Variants in VEGFD observed in about 807,000 individuals in gnomAD.
The protein encoded by VEGFD is c-fos induced growth factor (vascular endothelial growth factor D).
In VEGFD, 26 loss-of-function variants were observed where a neutral mutation model predicts 28.0. The ratio of observed to expected loss-of-function variants is 0.93; its 90% CI spans 0.68 to 1.29. VEGFD has a LOEUF of 1.29. Ranked by LOEUF, VEGFD falls within the 50% of genes most tolerant of loss-of-function variation. VEGFD has a pLI of 0.00. For missense variants in VEGFD, 294 were observed against 273.4 expected (o/e 1.08, Z -0.53); for synonymous variants, 93 against 95.5 (o/e 0.97, Z 0.15).
At chrX:15,381,500 T>C (rs1923569747) in intron 1 of VEGFD, among the ~76,000 whole-genome samples, 1 of 104,826 alleles carries the variant, frequency 9.5e-6, no homozygotes, top group African/African-American at 3.4e-5. Flanking sequence ...GAATTTCTTA[T>C]AATAAATAAA....
intron 1 of VEGFD, among the ~76,000 whole-genome samples, chrX:15,369,889 T>G: frequency 8.9e-6 from 1 of 112,127 alleles, no homozygotes; most frequent in Non-Finnish European, 1.9e-5. Context: ...TTTGATCCAA[T>G]TTGGGAGGCA....
chrX:15,350,719 CTCTT>C (rs59286152), intron 5 of VEGFD, among the ~76,000 whole-genome samples: 12 of 106,746 alleles, frequency 1.1e-4, no homozygotes, highest in African/African-American at 1.7e-4. Flanking sequence ...TACTTTCTTT[CTCTT>C]TCTTTCTTTC....
Position 15,368,302 on chromosome X carries a change from C to A in VEGFD, c.91-4983G>T, listed in dbSNP as rs564998462. On this transcript the variant is annotated intron_variant, in intron 1 of 6. Coordinates refer to ENST00000297904, the MANE Select transcript of VEGFD (RefSeq NM_004469.5). ...GAGAACTCAGGAGAAAATATCAAAT[C>A]TCTGGATTGAATTAAAGTAATTAAA... Among the ~76,000 whole-genome samples the A allele has an allele frequency of 3.9e-4, 44 of 112,226 alleles. No individual in the cohort carries two copies. In the South Asian group the frequency reaches 0.016, roughly 41 times the overall value.
chrX:15,365,499 C>T (rs753506315), intron 1 of VEGFD, among the ~76,000 whole-genome samples: 4 of 112,027 alleles, frequency 3.6e-5, no homozygotes, highest in Non-Finnish European at 5.6e-5. Flanking sequence ...TAGCCTGCTG[C>T]CTGCCTGTTT....
At chrX:15,354,382 G>A (rs111750049) in intron 4 of VEGFD, among the ~76,000 whole-genome samples, 2,604 of 95,216 alleles carry the variant, frequency 0.027, 81 homozygotes, top group African/African-American at 0.12. Context: ...GGAGAGAGGC[G>A]GGAGGTGTCT....
chrX:15,381,788 A>C (rs1432094765), intron 1 of VEGFD, among the ~76,000 whole-genome samples: 4 of 77,470 alleles, frequency 5.2e-5, no homozygotes, highest in Admixed American at 4.2e-4. Context: ...CCTTCATATC[A>C]GAAATAATTT....
rs1894321 is a variant in VEGFD at position 15,376,303 on chromosome X, C to T, written c.90+7554G>A. On this transcript the variant is annotated intron_variant, in intron 1 of 6. Transcript: ENST00000297904. ...ATTGCAAGCACATGCTCCTGCTAGCCCACTGATCAAAGGAGGATGAGAGAC... is the reference window on the plus strand; with the variant it reads ...ATTGCAAGCACATGCTCCTGCTAGCTCACTGATCAAAGGAGGATGAGAGAC... 7.5e-3 allele frequency among the ~76,000 whole-genome samples: 837 copies of T among 111,581 alleles called. 2 individuals are homozygous for T. The highest frequency in any genetic ancestry group is 0.032 in the Middle Eastern group (7 of 217).
chrX:15,355,775 G>T (rs1473936459), intron 3 of VEGFD, among the ~76,000 whole-genome samples: 3 of 112,065 alleles, frequency 2.7e-5, no homozygotes, highest in Non-Finnish European at 3.8e-5. Context: ...CATGTTTTAT[G>T]GGGCTTGTTT....
rs188649826 is a variant in VEGFD, at chrX:15,351,524, A to C, written c.742+1544T>G. Among the ~76,000 whole-genome samples the C allele has an allele frequency of 5.8e-3, 648 of 111,861 alleles. 5 individuals carry two copies. Among genetic ancestry groups the C allele is most frequent in the Admixed American group, 0.013 (137 of 10,599 alleles). The stretch of plus-strand genomic sequence containing the variant: ...GCCACCATTCCCGGCCAACCCCACA[A>C]AAATTTTCTAACACTTTTAGAACAT... On this transcript the variant is annotated intron_variant, in intron 5 of 6. Coordinates refer to ENST00000297904, the MANE Select transcript of VEGFD (RefSeq NM_004469.5).
chrX:15,370,531 G>A (rs1333825817), intron 1 of VEGFD, among the ~76,000 whole-genome samples: 2 of 111,694 alleles, frequency 1.8e-5, no homozygotes, highest in Non-Finnish European at 3.8e-5. Context: ...CTCTTTGAGG[G>A]TAGGATATGT....
At chrX:15,366,160 C>T (rs1360515165) in intron 1 of VEGFD, among the ~76,000 whole-genome samples, 1 of 110,692 alleles carries the variant, frequency 9.0e-6, no homozygotes, top group African/African-American at 3.3e-5. Context: ...GCGCCCACCA[C>T]CACGCCCGGC....
At chrX:15,357,912 T>C in intron 3 of VEGFD, 91 bp downstream of exon 3, 1 of 776,309 alleles carries the variant, frequency 1.3e-6, no homozygotes, top group South Asian at 2.8e-5. Flanking sequence ...ATAAAGCATT[T>C]AGTACAGTGT....
At chrX:15,376,685 T>C (rs1923446903) in intron 1 of VEGFD, among the ~76,000 whole-genome samples, 1 of 112,059 alleles carries the variant, frequency 8.9e-6, no homozygotes, top group East Asian at 2.8e-4. Context: ...CTCTTCCTTA[T>C]CAACATCCTC....
intron 2 of VEGFD, among the ~76,000 whole-genome samples, chrX:15,361,583 CA>C (rs1331418410): frequency 2.7e-5 from 3 of 111,977 alleles, no homozygotes; most frequent in Admixed American, 1.9e-4. Context: ...TGGGAAAAAA[CA>C]AATACAATTT....
rs1602218322 is a variant in VEGFD at position 15,345,811 on chromosome X, G to C, written c.*322C>G. 4.4e-6 allele frequency: 1 copy of C among 228,622 alleles called. No homozygotes were observed. The highest frequency in any genetic ancestry group is 8.8e-5 in the East Asian group (1 of 11,331). 18.8% of individuals were successfully genotyped at this position (228,622 alleles called of 1,213,427 possible). A position where few individuals can be genotyped will look rare whatever the true frequency, so the allele number is the denominator to read the frequency against. ...CTACAGTTTTCCTCATCTGCTCTGA[G>C]TAATCAGTCATATGACACCTGCCAT... On this transcript the variant is annotated 3_prime_UTR_variant, in exon 7 of 7. Coordinates refer to ENST00000297904, the MANE Select transcript of VEGFD (RefSeq NM_004469.5).
intron 5 of VEGFD, among the ~76,000 whole-genome samples, chrX:15,350,674 T>G (rs779895025): frequency 3.6e-5 from 4 of 112,604 alleles, no homozygotes; most frequent in African/African-American, 9.7e-5. Context: ...CTAGAGCCTT[T>G]AAGCTCTAAG....
rs757509187 is a variant in VEGFD, at chrX:15,357,960, C to T, written c.492+43G>A. ...TTGTTGTAGCTATCAACACTATTAT[C>T]ATCAGGGCTTTAGAGACGGCAGGCT... On this transcript the variant is annotated intron_variant, in intron 3 of 6. Transcript: ENST00000297904. 5 of 1,131,852 alleles carry T rather than the reference C, an allele frequency of 4.4e-6. No homozygotes were observed. The South Asian group carries it at 8.0e-5, about 18-fold the overall frequency. 93.3% of individuals were successfully genotyped at this position (1,131,852 alleles called of 1,213,427 possible). A position where few individuals can be genotyped will look rare whatever the true frequency, so the allele number is the denominator to read the frequency against.
intron 1 of VEGFD, among the ~76,000 whole-genome samples, chrX:15,383,144 C>T (rs1411738720): frequency 2.7e-5 from 3 of 111,449 alleles, no homozygotes; most frequent in Non-Finnish European, 5.7e-5. Context: ...CAATTACATC[C>T]GAATCATTTT....
At chrX:15,359,459 G>A (rs1158554165) in intron 2 of VEGFD, among the ~76,000 whole-genome samples, 3 of 102,945 alleles carry the variant, frequency 2.9e-5, no homozygotes, top group Middle Eastern at 1.0e-2. Context: ...CATGTGCCAC[G>A]GTGGTTTGCT....
Sources: gnomAD v4.1 joint callset for allele counts (sites outside exome capture counted in the v4.1 genomes callset) on GRCh38, gnomAD v4.1.1 for gene constraint, MANE v1.5 for transcripts, NCBI Gene and HGNC (gene_info 2026-07-23, HGNC 2026-07-21) for gene names.